OPCML: variants seen among roughly 807,000 people sequenced by gnomAD.
OPCML encodes opioid-binding protein/cell adhesion molecule.
Under a neutral mutation model 37.8 loss-of-function variants are expected in OPCML, and 13 were observed. The ratio of observed to expected loss-of-function variants is 0.34; its 90% CI spans 0.22 to 0.55. OPCML has a LOEUF of 0.55. Among genes scored for constraint, OPCML ranks in the 20% least tolerant of loss-of-function variants. The pLI is 0.91. For missense variants in OPCML, 341 were observed against 435.6 expected (o/e 0.78, Z 1.93); for synonymous variants, 176 against 168.8 (o/e 1.04, Z -0.33).
Position 132,608,344 on chromosome 11 carries a change from G to A in OPCML, c.379+48743C>T, listed in dbSNP as rs147569238. On this transcript the variant is annotated intron_variant, in intron 3 of 7. Transcript: ENST00000524381. ...ACTCTGCTCAGAGACACAATACTAT[G>A]TCTCTGTTTTATCATTCTGACCAGT... Among the ~76,000 whole-genome samples the A allele has an allele frequency of 5.0e-3, 761 of 152,256 alleles. 2 individuals are homozygous for A. The highest frequency in any genetic ancestry group is 8.6e-3 in the Non-Finnish European group (588 of 68,032).
chr11:132,880,938 T>C (rs1176221349), intron 2 of OPCML, among the ~76,000 whole-genome samples: 3 of 152,168 alleles, frequency 2.0e-5, no homozygotes, highest in African/African-American at 7.2e-5. Context: ...CCCACTTCCA[T>C]TCCCAGCCCC....
chr11:132,774,731 C>T (rs951482668), intron 2 of OPCML, among the ~76,000 whole-genome samples: 2 of 152,344 alleles, frequency 1.3e-5, no homozygotes, highest in Non-Finnish European at 2.9e-5. Context: ...TCCTCACTGT[C>T]TCCAGCAGAC....
At chr11:132,521,814 T>C (rs1712744805) in intron 4 of OPCML, among the ~76,000 whole-genome samples, 3 of 152,206 alleles carry the variant, frequency 2.0e-5, no homozygotes. Flanking sequence ...TTATGAATAA[T>C]TGCACTGTGG....
intron 2 of OPCML, among the ~76,000 whole-genome samples, chr11:132,771,290 T>G (rs1473285740): frequency 1.3e-5 from 2 of 152,202 alleles, no homozygotes; most frequent in African/African-American, 2.4e-5. Context: ...TAGTGCCAAA[T>G]TTCCTGTTTC....
chr11:133,199,911 A>G (rs1469533285), intron 1 of OPCML, among the ~76,000 whole-genome samples: 3 of 152,210 alleles, frequency 2.0e-5, no homozygotes, highest in Non-Finnish European at 4.4e-5. Flanking sequence ...AGATGCTCAA[A>G]TATGTTTATG....
chr11:133,349,482 A>C (rs533157478), intron 1 of OPCML, among the ~76,000 whole-genome samples: 2 of 152,198 alleles, frequency 1.3e-5, no homozygotes, highest in Non-Finnish European at 2.9e-5. Context: ...AGCAGAAATC[A>C]TCACAGGCTG....
At chr11:132,738,489 G>A (rs1227919112) in intron 2 of OPCML, among the ~76,000 whole-genome samples, 1 of 152,158 alleles carries the variant, frequency 6.6e-6, no homozygotes, top group Non-Finnish European at 1.5e-5. Context: ...ATATCTGAAT[G>A]TCTAATTCTA....
At chr11:132,966,681 A>G (rs1269024546) in intron 1 of OPCML, among the ~76,000 whole-genome samples, 1 of 151,918 alleles carries the variant, frequency 6.6e-6, no homozygotes, top group Non-Finnish European at 1.5e-5. Context: ...TGAATTGGTT[A>G]TTTCCCTCTT....
At chr11:132,689,026 G>T (rs1257611373) in intron 2 of OPCML, among the ~76,000 whole-genome samples, 2 of 149,576 alleles carry the variant, frequency 1.3e-5, no homozygotes, top group African/African-American at 4.9e-5. Flanking sequence ...CAAATTGTTA[G>T]TAAAATGAGC....
intron 1 of OPCML, among the ~76,000 whole-genome samples, chr11:132,968,502 C>T (rs1306519344): frequency 6.6e-6 from 1 of 152,028 alleles, no homozygotes; most frequent in Admixed American, 6.6e-5. Context: ...TTTTCTTCCT[C>T]TTGTTATAAA....
intron 3 of OPCML, among the ~76,000 whole-genome samples, chr11:132,552,333 C>T (rs545813879): frequency 3.9e-5 from 6 of 152,298 alleles, no homozygotes; most frequent in South Asian, 4.1e-4. Flanking sequence ...ACTTTGCCAC[C>T]GGAGAAGGAA....
At chr11:132,479,624 T>G (rs1042367258) in intron 4 of OPCML, among the ~76,000 whole-genome samples, 1 of 152,216 alleles carries the variant, frequency 6.6e-6, no homozygotes, top group Non-Finnish European at 1.5e-5. Flanking sequence ...TAAATGTCCC[T>G]GTCTGACAGC....
chr11:132,738,708 T>C (rs1237700410), intron 2 of OPCML, among the ~76,000 whole-genome samples: 1 of 152,202 alleles, frequency 6.6e-6, no homozygotes. Flanking sequence ...CCTGGTGTTT[T>C]GAAAACACAA....
At chr11:132,663,988 A>G (rs552322093) in intron 2 of OPCML, among the ~76,000 whole-genome samples, 65 of 151,960 alleles carry the variant, frequency 4.3e-4, no homozygotes, top group African/African-American at 1.4e-3. Context: ...GCCCGCCACC[A>G]CGCCCGGCTA....
chr11:132,605,645 G>A (rs945295407), intron 3 of OPCML, among the ~76,000 whole-genome samples: 9 of 151,992 alleles, frequency 5.9e-5, no homozygotes, highest in Admixed American at 2.6e-4. Flanking sequence ...TGGCTCCCCC[G>A]GCCCTGAGCC....
chr11:132,497,457 A>G (rs553165513), intron 4 of OPCML, among the ~76,000 whole-genome samples: 55 of 152,218 alleles, frequency 3.6e-4, no homozygotes, highest in Admixed American at 1.8e-3. Context: ...AAATTAAAAC[A>G]GGCTGTGGGT....
intron 2 of OPCML, among the ~76,000 whole-genome samples, chr11:132,767,261 T>G (rs932449826): frequency 2.0e-5 from 3 of 152,138 alleles, no homozygotes; most frequent in Non-Finnish European, 4.4e-5. Flanking sequence ...TATTCGACCT[T>G]CATTAAGGAG....
intron 1 of OPCML, among the ~76,000 whole-genome samples, chr11:133,432,075 T>TAGAC (rs1363370841): frequency 6.6e-6 from 1 of 152,010 alleles, no homozygotes; most frequent in Non-Finnish European, 1.5e-5. Flanking sequence ...AAGGGGACAG[T>TAGAC]AGACACCAGG....
intron 3 of OPCML, among the ~76,000 whole-genome samples, chr11:132,610,894 T>C (rs1434559850): frequency 1.3e-5 from 2 of 152,206 alleles, no homozygotes; most frequent in African/African-American, 4.8e-5. Context: ...GTCTTTCCTA[T>C]GGCTTTGTTC....
Sources: gnomAD v4.1 joint callset for allele counts (sites outside exome capture counted in the v4.1 genomes callset) on GRCh38, gnomAD v4.1.1 for gene constraint, MANE v1.5 for transcripts, NCBI Gene and HGNC (gene_info 2026-07-23, HGNC 2026-07-21) for gene names.